The following ZNF146 variants were observed in gnomAD, a reference collection of about 807,000 sequenced individuals.
The protein encoded by ZNF146 is zinc finger protein 146, also known as zinc finger protein OZF.
ZNF146 carries 9 observed loss-of-function variants against 22.2 expected under a neutral mutation model. That is an observed-to-expected ratio of 0.41 (90% CI 0.24 to 0.71). The LOEUF (loss-of-function observed/expected upper bound fraction) is 0.71. ZNF146 is among the 30% of genes least tolerant of loss of function. ZNF146 has a pLI of 0.34. For synonymous variants in ZNF146, 108 were observed against 119.2 expected, an observed-to-expected ratio of 0.91 and a Z score of 0.61; for missense variants, 194 against 344.8, an observed-to-expected ratio of 0.56 and a Z score of 3.46.
chr19:36,220,371 T>A lies in ZNF146; in HGVS notation c.-855+2176T>A, dbSNP rs182839945. 1.1e-3 allele frequency among the ~76,000 whole-genome samples: 160 copies of A among 145,578 alleles called. 8 individuals are homozygous for A. The highest frequency in any genetic ancestry group is 7.3e-3 in the Middle Eastern group (2 of 274). On this transcript the variant is annotated intron_variant, in intron 2 of 3. Transcript: ENST00000443387. Reference sequence around the variant, plus strand: ...CTAGTTCTTTTTTTTAATTTAATTTTATTTTATTTTTGAGACGGAGTCTTG... The same window carrying A: ...CTAGTTCTTTTTTTTAATTTAATTTAATTTTATTTTTGAGACGGAGTCTTG...
intron 3 of ZNF146, among the ~76,000 whole-genome samples, chr19:36,229,541 G>A (rs1041007406): frequency 2.0e-5 from 3 of 152,168 alleles, no homozygotes; most frequent in African/African-American, 4.8e-5. Flanking sequence ...ACGTTTACGC[G>A]TGTCACGTAT....
At chr19:36,216,261 C>T (rs1348951461) in intron 1 of ZNF146, among the ~76,000 whole-genome samples, 2 of 152,070 alleles carry the variant, frequency 1.3e-5, no homozygotes, top group Non-Finnish European at 2.9e-5. Context: ...CTTTAAAATA[C>T]TACTAAGGGG....
chr19:36,233,003 T>TA (rs1977455455), intron 3 of ZNF146, among the ~76,000 whole-genome samples: 1 of 152,242 alleles, frequency 6.6e-6, no homozygotes, highest in Admixed American at 6.5e-5. Context: ...CACGCTTTTG[T>TA]ATGTCCGTAT....
At position 36,235,210 on chromosome 19, in the gene ZNF146, A is replaced by G. The variant is rs919792547; in HGVS notation, c.-782-449A>G. Among the ~76,000 whole-genome samples the G allele has an allele frequency of 3.6e-5, 5 of 140,114 alleles. No homozygotes were observed. The South Asian group carries it at 1.1e-3, about 30-fold the overall frequency. 91.9% of individuals were successfully genotyped at this position (140,114 alleles called of 152,430 possible). A position where few individuals can be genotyped will look rare whatever the true frequency, so the allele number is the denominator to read the frequency against. The stretch of plus-strand genomic sequence containing the variant: ...GATAACGAGCGAAATTCCGTCTCAA[A>G]AAAAAAAAAAGAAGAAAGAAAGATG... On this transcript the variant is annotated intron_variant, in intron 3 of 3. Coordinates refer to ENST00000443387, the MANE Select transcript of ZNF146 (RefSeq NM_007145.3).
At chr19:36,221,352 A>G (rs1976829007) in intron 2 of ZNF146, among the ~76,000 whole-genome samples, 1 of 135,762 alleles carries the variant, frequency 7.4e-6, no homozygotes, top group African/African-American at 2.9e-5. Flanking sequence ...GCAGTGGCGC[A>G]ATCTCGGCTC....
At chr19:36,219,190 C>T (rs953802573) in intron 2 of ZNF146, among the ~76,000 whole-genome samples, 1 of 152,106 alleles carries the variant, frequency 6.6e-6, no homozygotes, top group Non-Finnish European at 1.5e-5. Flanking sequence ...GATGGGGTCT[C>T]ACTCTGGCTC....
In ZNF146 at chr19:36,236,747, A is replaced by G. The variant is rs1977658298; in HGVS notation, c.307A>G (p.Lys103Glu). 1 of 1,614,086 alleles carries G rather than the reference A, an allele frequency of 6.2e-7. No homozygotes were observed. The highest frequency in any genetic ancestry group is 8.5e-7 in the Non-Finnish European group (1 of 1,180,032). The change falls in exon 4 of 4, where the codon AAA becomes GAA. Residue 103 changes from lysine (K) to glutamate (E), a missense_variant. Coordinates refer to ENST00000443387, the MANE Select transcript of ZNF146 (RefSeq NM_007145.3). ...CACTGGAGAAAAACCTTTTGAGTGT[A>G]AAGATTGCGGGAAAGCTTTCATTCA... ...IHTGEKPFEC[K>E]DCGKAFIQKS... is the part of the protein sequence containing the mutation.
intron 3 of ZNF146, among the ~76,000 whole-genome samples, chr19:36,231,761 C>G (rs1030491958): frequency 2.6e-5 from 4 of 152,094 alleles, no homozygotes; most frequent in Non-Finnish European, 5.9e-5. Context: ...ATCAGTCAAG[C>G]CTTAAAAAGA....
chr19:36,222,075 A>G (rs1179565024), intron 2 of ZNF146, among the ~76,000 whole-genome samples: 1 of 150,938 alleles, frequency 6.6e-6, no homozygotes, highest in Non-Finnish European at 1.5e-5. Flanking sequence ...GACCACAGGC[A>G]CACTCCACCA....
chr19:36,223,225 C>G (rs554064229), intron 2 of ZNF146, among the ~76,000 whole-genome samples: 1 of 151,610 alleles, frequency 6.6e-6, no homozygotes, highest in East Asian at 2.0e-4. Flanking sequence ...GAGACTAGCC[C>G]GGTCAACATG....
intron 3 of ZNF146, among the ~76,000 whole-genome samples, chr19:36,234,640 G>T (rs968033851): frequency 6.6e-6 from 1 of 152,100 alleles, no homozygotes; most frequent in African/African-American, 2.4e-5. Flanking sequence ...CTCGTGATCC[G>T]CCCACCTCGG....
chr19:36,219,506 AT>A (rs145670628), intron 2 of ZNF146, among the ~76,000 whole-genome samples: 221 of 150,428 alleles, frequency 1.5e-3, no homozygotes, highest in Non-Finnish European at 2.7e-3. Context: ...ATCTCTGATG[AT>A]TTTTTTTTTA....
chr19:36,216,342 T>C (rs1439618877), intron 1 of ZNF146, among the ~76,000 whole-genome samples: 3 of 152,126 alleles, frequency 2.0e-5, no homozygotes, highest in Non-Finnish European at 4.4e-5. Context: ...GTGAATGTAT[T>C]AATTTACTGT....
intron 3 of ZNF146, among the ~76,000 whole-genome samples, chr19:36,232,995 C>A (rs557589131): frequency 6.6e-6 from 1 of 152,202 alleles, no homozygotes; most frequent in Non-Finnish European, 1.5e-5. Context: ...TATTTTGCCA[C>A]GCTTTTGTAT....
At chr19:36,219,060 G>T (rs533484165) in intron 2 of ZNF146, among the ~76,000 whole-genome samples, 1 of 146,894 alleles carries the variant, frequency 6.8e-6, no homozygotes, top group Non-Finnish European at 1.5e-5. Flanking sequence ...CGCCCACCTC[G>T]GCCTCCCAAA....
intron 3 of ZNF146, among the ~76,000 whole-genome samples, chr19:36,229,390 G>C (rs7248820): frequency 6.6e-6 from 1 of 152,006 alleles, no homozygotes; most frequent in Non-Finnish European, 1.5e-5. Context: ...TATGTGTGGG[G>C]GTCTATATGT....
At chr19:36,225,969 A>G (rs1457968549) in intron 2 of ZNF146, among the ~76,000 whole-genome samples, 3 of 151,720 alleles carry the variant, frequency 2.0e-5, no homozygotes, top group Non-Finnish European at 4.4e-5. Context: ...GGGTCTTGCC[A>G]TGTTGCCTAG....
chr19:36,226,782 A>G (rs953502988), intron 2 of ZNF146, among the ~76,000 whole-genome samples: 3 of 152,194 alleles, frequency 2.0e-5, no homozygotes, highest in Non-Finnish European at 2.9e-5. Context: ...AATGTCTGCT[A>G]TTGATTAAAA....
chr19:36,220,250 A>G (rs765195522), intron 2 of ZNF146, among the ~76,000 whole-genome samples: 1 of 152,210 alleles, frequency 6.6e-6, no homozygotes, highest in Non-Finnish European at 1.5e-5. Flanking sequence ...GCATTTAAAA[A>G]ATACATTTTT....
Sources: allele counts gnomAD v4.1 joint callset (sites outside exome capture counted in the v4.1 genomes callset), GRCh38; gene constraint gnomAD v4.1.1; transcripts MANE v1.5; gene names NCBI Gene and HGNC (gene_info 2026-07-23, HGNC 2026-07-21).